ROBO2: variants seen among roughly 807,000 people sequenced by gnomAD.
The protein encoded by ROBO2 is roundabout guidance receptor 2, also known as roundabout homolog 2.
A neutral mutation model predicts 160.8 loss-of-function variants in ROBO2; 53 were observed. The observed-to-expected ratio is 0.33, with a 90% CI of 0.26 to 0.41. The LOEUF (loss-of-function observed/expected upper bound fraction) is 0.41, where lower values mean the gene tolerates loss of function less well. Ranked by LOEUF, ROBO2 falls within the 10% of genes least tolerant of loss-of-function variation. The pLI is 1.00. For missense variants in ROBO2, 1,577 were observed against 1,722.4 expected, an observed-to-expected ratio of 0.92 and a Z score of 1.49; for synonymous variants, 664 against 611.7, an observed-to-expected ratio of 1.09 and a Z score of -1.26.
At chr3:76,281,281 G>A (rs909069979) in intron 2 of ROBO2, among the ~76,000 whole-genome samples, 1 of 151,734 alleles carries the variant, frequency 6.6e-6, no homozygotes, top group African/African-American at 2.4e-5. Flanking sequence ...GGGAAATTTT[G>A]ATGACATAAT....
exon 21 of ROBO2, chr3:77,607,916 G>T (rs200783298): frequency 4.3e-6 from 7 of 1,613,566 alleles, no homozygotes; most frequent in Non-Finnish European, 5.9e-6. Context: ...TTCCTGGCAC[G>T]GAGCTGGAAC....
intron 2 of ROBO2, among the ~76,000 whole-genome samples, chr3:77,433,717 TA>T (rs1434714728): frequency 6.6e-6 from 1 of 151,804 alleles, no homozygotes; most frequent in Admixed American, 6.6e-5. Flanking sequence ...GATACCCAAC[TA>T]CCTACTTGGA....
intron 2 of ROBO2, among the ~76,000 whole-genome samples, chr3:77,357,268 G>A (rs2069267387): frequency 6.6e-6 from 1 of 152,126 alleles, no homozygotes; most frequent in Non-Finnish European, 1.5e-5. Context: ...TCTAGCAAAA[G>A]ACTCTGCCCT....
chr3:76,821,733 A>C (rs2109141616), intron 2 of ROBO2, among the ~76,000 whole-genome samples: 1 of 152,154 alleles, frequency 6.6e-6, no homozygotes, highest in Middle Eastern at 3.4e-3. Flanking sequence ...GAATTATCAT[A>C]AAATATCAGT....
chr3:76,943,468 A>G (rs948178470), intron 2 of ROBO2, among the ~76,000 whole-genome samples: 3 of 152,202 alleles, frequency 2.0e-5, no homozygotes, highest in Non-Finnish European at 2.9e-5. Context: ...GAACTTTTGA[A>G]TTAGTTCTTT....
chr3:76,736,292 A>ATAAAATAAAATAAAT (rs2093712048), intron 2 of ROBO2, among the ~76,000 whole-genome samples: 5 of 150,050 alleles, frequency 3.3e-5, no homozygotes, highest in Admixed American at 3.3e-4. Context: ...AAAAAATAAA[A>ATAAAATAAAATAAAT]TAAAATAAAA....
intron 2 of ROBO2, among the ~76,000 whole-genome samples, chr3:75,944,829 A>G (rs1948209302): frequency 6.6e-6 from 1 of 152,014 alleles, no homozygotes; most frequent in Admixed American, 6.6e-5. Context: ...TCTTATGGTA[A>G]CTTCTGATGT....
chr3:77,396,977 T>C (rs2075343080), intron 2 of ROBO2, among the ~76,000 whole-genome samples: 2 of 152,154 alleles, frequency 1.3e-5, no homozygotes, highest in Non-Finnish European at 2.9e-5. Context: ...AGATTAAATA[T>C]AAATATATGT....
chr3:76,688,317 C>T (rs2092726409), intron 2 of ROBO2, among the ~76,000 whole-genome samples: 1 of 151,678 alleles, frequency 6.6e-6, no homozygotes, highest in Admixed American at 6.6e-5. Flanking sequence ...CGAATACAAA[C>T]ATGGTTAGGT....
intron 1 of ROBO2, among the ~76,000 whole-genome samples, chr3:75,934,257 A>G (rs1947671625): frequency 6.6e-6 from 1 of 152,194 alleles, no homozygotes. Flanking sequence ...GAAGAGCACA[A>G]TGGGCTCAAC....
chr3:76,723,132 T>C (rs1228902736), intron 2 of ROBO2, among the ~76,000 whole-genome samples: 2 of 152,146 alleles, frequency 1.3e-5, no homozygotes, highest in Non-Finnish European at 2.9e-5. Context: ...AATTTTTCTA[T>C]TTGGATGGAA....
chr3:75,936,903 TG>T (rs1021114134), intron 1 of ROBO2, among the ~76,000 whole-genome samples: 1 of 152,104 alleles, frequency 6.6e-6, no homozygotes, highest in African/African-American at 2.4e-5. Flanking sequence ...ACAAGTGTTT[TG>T]TAATGTCTAT....
intron 2 of ROBO2, among the ~76,000 whole-genome samples, chr3:77,269,904 A>G (rs78067660): frequency 0.017 from 2,655 of 152,274 alleles, 69 homozygotes; most frequent in East Asian, 0.092. Flanking sequence ...AAAATAAACT[A>G]AACTGCATAG....
intron 5 of ROBO2, among the ~76,000 whole-genome samples, chr3:77,510,865 G>T (rs1410338154): frequency 1.3e-5 from 2 of 151,972 alleles, no homozygotes; most frequent in Non-Finnish European, 2.9e-5. Context: ...ATGGTTGGAG[G>T]CGTGGTCTTC....
intron 2 of ROBO2, among the ~76,000 whole-genome samples, chr3:76,385,640 A>C (rs950020536): frequency 2.0e-5 from 3 of 152,228 alleles, no homozygotes; most frequent in African/African-American, 7.2e-5. Context: ...GGCATTTTTC[A>C]AAGGCTCTGA....
At chr3:76,540,406 T>C (rs1214874552) in intron 2 of ROBO2, among the ~76,000 whole-genome samples, 1 of 152,212 alleles carries the variant, frequency 6.6e-6, no homozygotes, top group Non-Finnish European at 1.5e-5. Flanking sequence ...AGTAGTGGTA[T>C]GGTCTAACTG....
intron 2 of ROBO2, among the ~76,000 whole-genome samples, chr3:77,280,916 G>T (rs2060198259): frequency 6.6e-6 from 1 of 152,154 alleles, no homozygotes; most frequent in African/African-American, 2.4e-5. Flanking sequence ...ATTAAAATCA[G>T]CCAGTTCCTG....
intron 1 of ROBO2, among the ~76,000 whole-genome samples, chr3:77,093,484 T>A (rs1393485653): frequency 6.6e-6 from 1 of 152,138 alleles, no homozygotes; most frequent in Non-Finnish European, 1.5e-5. Flanking sequence ...TTGATAATCT[T>A]AAAGGCCCAA....
intron 16 of ROBO2, among the ~76,000 whole-genome samples, chr3:77,580,604 T>A (rs922639308): frequency 2.6e-5 from 4 of 152,138 alleles, no homozygotes; most frequent in Non-Finnish European, 4.4e-5. Context: ...AATTGTTCCC[T>A]CTTATCATAG....
Sources: gnomAD v4.1 joint callset for allele counts (sites outside exome capture counted in the v4.1 genomes callset) on GRCh38, gnomAD v4.1.1 for gene constraint, MANE v1.5 for transcripts, NCBI Gene and HGNC (gene_info 2026-07-23, HGNC 2026-07-21) for gene names.